The following IPO5 variants were observed in gnomAD, a reference collection of about 807,000 sequenced individuals.
The protein encoded by IPO5 is importin-5.
In IPO5, 18 loss-of-function variants were observed where a neutral mutation model predicts 143.3. The ratio of observed to expected loss-of-function variants is 0.13; its 90% CI spans 0.09 to 0.19. The LOEUF is 0.19. IPO5 is among the 10% of genes least tolerant of loss of function. IPO5 has a pLI of 1.00. For synonymous variants in IPO5, 477 were observed against 465.7 expected, an observed-to-expected ratio of 1.02 and a Z score of -0.31; for missense variants, 1,013 against 1,336.9, an observed-to-expected ratio of 0.76 and a Z score of 3.78.
At position 97,999,925 on chromosome 13, in the gene IPO5, T is replaced by C. The variant is rs182435691; in HGVS notation, c.1002-614T>C. ...TTTCAATACTGCTTTTACTGGAGTG[T>C]TGAAAGTGTCAGAAGCTATTTCTGA... On this transcript the variant is annotated intron_variant, in intron 12 of 28. Coordinates refer to ENST00000651721, the MANE Select transcript of IPO5 (RefSeq NM_002271.6). Among the ~76,000 whole-genome samples, 7 of 152,314 alleles carry C rather than the reference T, an allele frequency of 4.6e-5. No homozygotes were observed. The East Asian group carries it at 1.3e-3, about 29-fold the overall frequency.
At chr13:98,018,971 C>CT (rs35835887) in intron 26 of IPO5, among the ~76,000 whole-genome samples, 7,574 of 148,972 alleles carry the variant, frequency 0.051, 490 homozygotes, top group East Asian at 0.35. Context: ...TAGAATAGGA[C>CT]TTTTTTTTTT....
At chr13:98,000,082 A>G (rs1350856524) in intron 12 of IPO5, among the ~76,000 whole-genome samples, 2 of 152,180 alleles carry the variant, frequency 1.3e-5, no homozygotes, top group Non-Finnish European at 1.5e-5. Context: ...CAGGAGATCA[A>G]GACAATCCTG....
In IPO5 at chr13:98,021,839, C is replaced by T. The variant is rs762851502; in HGVS notation, c.*17C>T. 8 of 1,568,826 alleles carry T rather than the reference C, an allele frequency of 5.1e-6. No individual in the cohort carries two copies. The highest frequency in any genetic ancestry group is 6.1e-6 in the Non-Finnish European group (7 of 1,145,270). On this transcript the variant is annotated 3_prime_UTR_variant, in exon 29 of 29. Transcript: ENST00000651721. ...TCTGCGTGAAGGGCCTTAATGTCAC[C>T]CACCAGAAAACTAACTCCAAATAAA...
rs1348015837 is a variant in IPO5, at chr13:97,970,197, AAT to A, written c.-5+369_-5+370del. ...AAAAAGTGAAATTAATACATTTAACAATAGTTTATCAATAAATATAACTATTT... is the reference window on the plus strand; with the variant it reads ...AAAAAGTGAAATTAATACATTTAACAAGTTTATCAATAAATATAACTATTT... On this transcript the variant is annotated intron_variant, in intron 3 of 28. Coordinates refer to ENST00000651721, the MANE Select transcript of IPO5 (RefSeq NM_002271.6). Among the ~76,000 whole-genome samples the A allele has an allele frequency of 2.6e-5, 4 of 152,390 alleles. No homozygotes were observed. In the South Asian group the frequency reaches 8.3e-4, roughly 32 times the overall value.
At chr13:97,966,100 C>T (rs984683068) in intron 2 of IPO5, among the ~76,000 whole-genome samples, 2 of 145,728 alleles carry the variant, frequency 1.4e-5, no homozygotes, top group Non-Finnish European at 3.0e-5. Flanking sequence ...GAGATCTGCA[C>T]TCCAGCCTGG....
chr13:98,016,639 C>A, intron 24 of IPO5, 90 bp from the exon 25 acceptor site: 1 of 689,676 alleles, frequency 1.4e-6, no homozygotes, highest in Non-Finnish European at 2.2e-6. Flanking sequence ...TGATTTTCTG[C>A]ATTTTTTAAG....
intron 26 of IPO5, among the ~76,000 whole-genome samples, chr13:98,019,299 A>T (rs1381009268): frequency 2.6e-5 from 4 of 152,154 alleles, no homozygotes; most frequent in Non-Finnish European, 5.9e-5. Context: ...GGCAGCTTTT[A>T]AAGTTTAAGG....
Position 98,015,660 on chromosome 13 carries a change from T to G in IPO5, c.2437+19T>G. 1 of 1,583,618 alleles carries G rather than the reference T, an allele frequency of 6.3e-7. No homozygotes were observed. Among genetic ancestry groups the G allele is most frequent in the South Asian group, 1.1e-5 (1 of 88,824 alleles). ...CGACAAGGTAAGTTTTCCATGCTTTTATTTCTGAATATAATCCTTGACCAT... is the reference window on the plus strand; with the variant it reads ...CGACAAGGTAAGTTTTCCATGCTTTGATTTCTGAATATAATCCTTGACCAT... On this transcript the variant is annotated intron_variant, in intron 23 of 28. Coordinates refer to ENST00000651721, the MANE Select transcript of IPO5 (RefSeq NM_002271.6).
At chr13:97,968,878 G>A (rs1187152421) in intron 2 of IPO5, among the ~76,000 whole-genome samples, 5 of 151,736 alleles carry the variant, frequency 3.3e-5, no homozygotes, top group Admixed American at 6.6e-5. Context: ...TAGTAGAGAC[G>A]GGGTTTCACC....
At chr13:97,956,579 T>C (rs893310821) in intron 2 of IPO5, among the ~76,000 whole-genome samples, 16 of 152,236 alleles carry the variant, frequency 1.1e-4, no homozygotes, top group Non-Finnish European at 2.9e-5. Flanking sequence ...TCGTATGCTT[T>C]ATAACCTATT....
chr13:98,018,334 G>A (rs1213308546), intron 25 of IPO5, 151 bp from the exon 26 acceptor site: 23 of 609,526 alleles, frequency 3.8e-5, no homozygotes, highest in Middle Eastern at 3.1e-4. Flanking sequence ...ATTGAATATC[G>A]TTGGTCACAA....
intron 12 of IPO5, among the ~76,000 whole-genome samples, chr13:98,000,022 C>T (rs888186589): frequency 2.0e-5 from 3 of 152,164 alleles, no homozygotes; most frequent in East Asian, 1.9e-4. Flanking sequence ...CAGTGGCTCA[C>T]GCCTGTAATC....
chr13:98,004,896 TTTA>T lies in IPO5; in HGVS notation c.1498-1231_1498-1229del, dbSNP rs1889087710. ...TAATATTTTATTTTATTTTATTTTA[TTTA>T]TTTATTTATTTATTTTTATTTTGAG... On this transcript the variant is annotated intron_variant, in intron 16 of 28. Coordinates refer to ENST00000651721, the MANE Select transcript of IPO5 (RefSeq NM_002271.6). 4.2e-5 allele frequency among the ~76,000 whole-genome samples: 6 copies of T among 142,388 alleles called. No homozygotes were observed. In the South Asian group the frequency reaches 1.1e-3, roughly 26 times the overall value. 93.4% of individuals were successfully genotyped at this position (142,388 alleles called of 152,430 possible). A position where few individuals can be genotyped will look rare whatever the true frequency, so the allele number is the denominator to read the frequency against.
chr13:98,019,852 T>G, intron 27 of IPO5, 43 bp downstream of exon 27: 1 of 1,343,442 alleles, frequency 7.4e-7, no homozygotes, highest in Non-Finnish European at 1.1e-6. Flanking sequence ...TCCTCCACAG[T>G]GCTTCCTGGT....
chr13:98,009,737 C>T (rs1889547722), intron 18 of IPO5, 144 bp from the exon 19 acceptor site: 1 of 660,960 alleles, frequency 1.5e-6, no homozygotes, highest in Non-Finnish European at 2.5e-6. Context: ...CTTTTAAGTA[C>T]ATAACCTTTA....
chr13:97,994,303 G>A (rs980600680), intron 11 of IPO5, among the ~76,000 whole-genome samples: 1 of 150,198 alleles, frequency 6.7e-6, no homozygotes, highest in African/African-American at 2.5e-5. Flanking sequence ...AGCGAAACTC[G>A]TCTCAAAAAA....
chr13:98,014,709 A>G (rs965419373), intron 22 of IPO5, among the ~76,000 whole-genome samples: 2 of 152,184 alleles, frequency 1.3e-5, no homozygotes, highest in Non-Finnish European at 2.9e-5. Context: ...GCATGGAAGC[A>G]TGCATTCTTT....
intron 11 of IPO5, among the ~76,000 whole-genome samples, chr13:97,995,582 C>T (rs756860592): frequency 4.6e-5 from 7 of 151,048 alleles, no homozygotes; most frequent in African/African-American, 1.2e-4. Flanking sequence ...TGTGAAACCC[C>T]GTCCCTACTA....
intron 13 of IPO5, among the ~76,000 whole-genome samples, chr13:98,001,343 T>C (rs1888755817): frequency 6.6e-6 from 1 of 152,182 alleles, no homozygotes; most frequent in Admixed American, 6.5e-5. Flanking sequence ...AGTTAGAAAT[T>C]TGTTTGTTTT....
Sources: gnomAD v4.1 joint callset for allele counts (sites outside exome capture counted in the v4.1 genomes callset) on GRCh38, gnomAD v4.1.1 for gene constraint, MANE v1.5 for transcripts, NCBI Gene and HGNC (gene_info 2026-07-23, HGNC 2026-07-21) for gene names.